Variants in REDIC1 observed in about 807,000 individuals in gnomAD.
The protein encoded by REDIC1 is HEI10 Interacting Protein 1.
the REDIC1 span, among the ~76,000 whole-genome samples, chr12:39,715,145 T>C: frequency 1.3e-5 from 2 of 152,012 alleles, no homozygotes. Flanking sequence ...CCTAAGCCAA[T>C]GTCTAGAAGG....
chr12:39,712,361 C>CATATGTATAT, the REDIC1 span, among the ~76,000 whole-genome samples: 1 of 128,924 alleles, frequency 7.8e-6, no homozygotes, highest in Non-Finnish European at 1.6e-5. Flanking sequence ...TACATACATA[C>CATATGTATAT]ATACATATGT....
At chr12:39,753,425 A>C in the REDIC1 span, among the ~76,000 whole-genome samples, 9 of 149,118 alleles carry the variant, frequency 6.0e-5, no homozygotes, top group Non-Finnish European at 1.2e-4. Flanking sequence ...GTGAGATCAC[A>C]GAAATTGTGT....
the REDIC1 span, among the ~76,000 whole-genome samples, chr12:39,817,909 C>A: frequency 6.6e-6 from 1 of 152,206 alleles, no homozygotes; most frequent in Non-Finnish European, 1.5e-5. Context: ...GTTTCCTGAA[C>A]TAGCTTCCAG....
the REDIC1 span, among the ~76,000 whole-genome samples, chr12:39,715,386 T>G: frequency 2.6e-5 from 4 of 151,980 alleles, no homozygotes; most frequent in Admixed American, 6.6e-5. Context: ...TTTGGGTTTA[T>G]TTCCGGGTTC....
At chr12:39,634,483 CA>C in the REDIC1 span, among the ~76,000 whole-genome samples, 1 of 152,112 alleles carries the variant, frequency 6.6e-6, no homozygotes, top group African/African-American at 2.4e-5. Context: ...TAACACCACA[CA>C]CATCTACAAC....
chr12:39,755,676 A>G, the REDIC1 span: 7 of 152,100 alleles, frequency 4.6e-5, no homozygotes, highest in Non-Finnish European at 1.5e-5. Context: ...ATTTATGCTG[A>G]CATGACAAAA....
At chr12:39,790,394 C>G in the REDIC1 span, among the ~76,000 whole-genome samples, 1 of 136,850 alleles carries the variant, frequency 7.3e-6, no homozygotes, top group Non-Finnish European at 1.5e-5. Flanking sequence ...CCACAGTCCC[C>G]AGAGTGTGAT....
the REDIC1 span, among the ~76,000 whole-genome samples, chr12:39,645,130 G>T: frequency 1.3e-5 from 2 of 151,940 alleles, no homozygotes; most frequent in Non-Finnish European, 2.9e-5. Context: ...CTCGAATGAG[G>T]GTTTTATGAC....
the REDIC1 span, among the ~76,000 whole-genome samples, chr12:39,668,000 TG>T: frequency 6.6e-6 from 1 of 152,214 alleles, no homozygotes; most frequent in African/African-American, 2.4e-5. Flanking sequence ...AGCACACTGA[TG>T]GGTCTTAACT....
At chr12:39,692,536 G>A in the REDIC1 span, among the ~76,000 whole-genome samples, 1 of 47,384 alleles carries the variant, frequency 2.1e-5, no homozygotes, top group African/African-American at 8.1e-5. Context: ...TCTGCAACTT[G>A]CTTTTTTTTT....
the REDIC1 span, among the ~76,000 whole-genome samples, chr12:39,841,550 G>A: frequency 6.6e-6 from 1 of 151,980 alleles, no homozygotes; most frequent in Non-Finnish European, 1.5e-5. Flanking sequence ...GTATATAAAT[G>A]TATATCTATA....
At chr12:39,821,406 T>A in the REDIC1 span, among the ~76,000 whole-genome samples, 1 of 151,208 alleles carries the variant, frequency 6.6e-6, no homozygotes, top group East Asian at 1.9e-4. Flanking sequence ...CAAGACTCCG[T>A]CTCAAAAAAA....
the REDIC1 span, among the ~76,000 whole-genome samples, chr12:39,789,431 G>C: frequency 6.6e-6 from 1 of 152,140 alleles, no homozygotes; most frequent in South Asian, 2.1e-4. Flanking sequence ...AAATACATCA[G>C]TTTATCCCTG....
At chr12:39,887,104 A>G in the REDIC1 span, among the ~76,000 whole-genome samples, 1 of 152,232 alleles carries the variant, frequency 6.6e-6, no homozygotes, top group Non-Finnish European at 1.5e-5. Context: ...TATGCACGCT[A>G]CACACAGAAC....
chr12:39,805,750 G>A, the REDIC1 span, among the ~76,000 whole-genome samples: 1 of 152,128 alleles, frequency 6.6e-6, no homozygotes, highest in Admixed American at 6.6e-5. Flanking sequence ...AGTAACTTAG[G>A]TATCAATGAA....
At chr12:39,644,455 G>A in the REDIC1 span, among the ~76,000 whole-genome samples, 1 of 151,666 alleles carries the variant, frequency 6.6e-6, no homozygotes, top group African/African-American at 2.4e-5. Context: ...AGCTTAATTA[G>A]AGTATATTTT....
At chr12:39,846,783 G>A in the REDIC1 span, among the ~76,000 whole-genome samples, 1 of 152,014 alleles carries the variant, frequency 6.6e-6, no homozygotes, top group Non-Finnish European at 1.5e-5. Context: ...CAGTGTCACT[G>A]GTAAAATGGG....
chr12:39,883,956 A>G, the REDIC1 span, among the ~76,000 whole-genome samples: 7 of 152,292 alleles, frequency 4.6e-5, no homozygotes, highest in East Asian at 1.9e-4. Flanking sequence ...TAGACAGACT[A>G]TCTCCTGGTG....
the REDIC1 span, among the ~76,000 whole-genome samples, chr12:39,753,878 T>G: frequency 8.5e-5 from 13 of 152,146 alleles, no homozygotes; most frequent in African/African-American, 3.1e-4. Flanking sequence ...GGTTCAGTAA[T>G]TTAGGTTACT....
Sources: allele counts gnomAD v4.1 joint callset (sites outside exome capture counted in the v4.1 genomes callset), GRCh38; gene constraint gnomAD v4.1.1; transcripts MANE v1.5; gene names NCBI Gene and HGNC (gene_info 2026-07-23, HGNC 2026-07-21).